Variants in PRIM2 observed in about 807,000 individuals in gnomAD.
PRIM2 encodes DNA primase large subunit.
A neutral mutation model predicts 67.3 loss-of-function variants in PRIM2; 39 were observed. The ratio of observed to expected loss-of-function variants is 0.58; its 90% CI spans 0.45 to 0.76. PRIM2 has a LOEUF of 0.76. Ranked by LOEUF, PRIM2 falls within the 30% of genes least tolerant of loss-of-function variation. The pLI is 0.00. For missense variants in PRIM2, 398 were observed against 598.7 expected, an observed-to-expected ratio of 0.66 and a Z score of 3.50; for synonymous variants, 143 against 198.7, an observed-to-expected ratio of 0.72 and a Z score of 2.36.
intron 10 of PRIM2, among the ~76,000 whole-genome samples, chr6:57,597,575 C>T (rs1428787645): frequency 6.6e-6 from 1 of 152,100 alleles, no homozygotes; most frequent in Non-Finnish European, 1.5e-5. Context: ...TTAATATAAT[C>T]CCCATAGCAA....
chr6:57,469,306 C>T (rs1430157275), intron 7 of PRIM2, among the ~76,000 whole-genome samples: 1 of 152,212 alleles, frequency 6.6e-6, no homozygotes, highest in Non-Finnish European at 1.5e-5. Context: ...GGGAAAATGT[C>T]ATGCAAGGTG....
At chr6:57,323,960 T>C (rs917273767) in intron 3 of PRIM2, among the ~76,000 whole-genome samples, 1 of 151,782 alleles carries the variant, frequency 6.6e-6, no homozygotes, top group Non-Finnish European at 1.5e-5. Context: ...TGGGTGTCGC[T>C]TGTAGTCCCA....
chr6:57,389,154 G>GTGAC (rs1459137690), intron 7 of PRIM2, among the ~76,000 whole-genome samples: 4 of 151,970 alleles, frequency 2.6e-5, no homozygotes, highest in African/African-American at 9.7e-5. Context: ...ACCCAGGCTG[G>GTGAC]AGTGCAGTGG....
At chr6:57,519,987 C>G (rs1298675275) in intron 8 of PRIM2, among the ~76,000 whole-genome samples, 1 of 152,120 alleles carries the variant, frequency 6.6e-6, no homozygotes, top group Non-Finnish European at 1.5e-5. Context: ...TATTCAAAAA[C>G]AAAACCAGGA....
chr6:57,526,106 G>A (rs1554349362), intron 8 of PRIM2, among the ~76,000 whole-genome samples: 1 of 151,912 alleles, frequency 6.6e-6, no homozygotes, highest in African/African-American at 2.4e-5. Flanking sequence ...GTTCTGTTTC[G>A]GTAGTGAAGG....
At chr6:57,369,779 A>G (rs891684427) in intron 5 of PRIM2, among the ~76,000 whole-genome samples, 3 of 152,194 alleles carry the variant, frequency 2.0e-5, no homozygotes, top group South Asian at 2.1e-4. Context: ...GAATTCCCCT[A>G]TACACCAAGA....
At chr6:57,444,280 T>C (rs1772292656) in intron 7 of PRIM2, among the ~76,000 whole-genome samples, 1 of 151,974 alleles carries the variant, frequency 6.6e-6, no homozygotes, top group Non-Finnish European at 1.5e-5. Context: ...AAAATTATGG[T>C]ATTATAGGCT....
At chr6:57,573,183 ATTC>A (rs1333564827) in intron 10 of PRIM2, among the ~76,000 whole-genome samples, 1 of 152,234 alleles carries the variant, frequency 6.6e-6, no homozygotes, top group Non-Finnish European at 1.5e-5. Flanking sequence ...GATTATTATT[ATTC>A]AACAAATTAC....
At chr6:57,569,124 ATACT>A (rs1183553522) in intron 10 of PRIM2, among the ~76,000 whole-genome samples, 3 of 152,156 alleles carry the variant, frequency 2.0e-5, no homozygotes, top group Admixed American at 6.5e-5. Flanking sequence ...TCTGGTCAAG[ATACT>A]TACTTTTCCT....
chr6:57,394,511 A>C lies in PRIM2; in HGVS notation c.693+12343A>C, dbSNP rs79022352. On this transcript the variant is annotated intron_variant, in intron 7 of 13. Transcript: ENST00000615550. The stretch of plus-strand genomic sequence containing the variant: ...CAGAGCTACTGATTTGTGTACATTA[A>C]TCTTGTATCTGGAAACTTTGCTCAA... Among the ~76,000 whole-genome samples, 6 of 152,194 alleles carry C rather than the reference A, an allele frequency of 3.9e-5. No individual in the cohort carries two copies. The South Asian group carries it at 1.2e-3, about 32-fold the overall frequency.
intron 7 of PRIM2, among the ~76,000 whole-genome samples, chr6:57,411,710 C>T (rs2208360): frequency 6.6e-6 from 1 of 152,300 alleles, no homozygotes; most frequent in East Asian, 1.9e-4. Context: ...AGGTATATTA[C>T]CTTTTTTTAT....
intron 5 of PRIM2, among the ~76,000 whole-genome samples, chr6:57,368,205 A>T (rs908203936): frequency 7.9e-5 from 12 of 152,146 alleles, no homozygotes; most frequent in African/African-American, 2.9e-4. Context: ...TATATCATAC[A>T]TTTATTTTAG....
chr6:57,608,563 T>C (rs1430862119), intron 12 of PRIM2, among the ~76,000 whole-genome samples: 2 of 151,724 alleles, frequency 1.3e-5, no homozygotes, highest in Non-Finnish European at 2.9e-5. Context: ...CAAAAACCTG[T>C]CTCTACAAAA....
At chr6:57,386,480 A>T (rs1431503498) in intron 7 of PRIM2, among the ~76,000 whole-genome samples, 2 of 151,654 alleles carry the variant, frequency 1.3e-5, no homozygotes, top group South Asian at 4.2e-4. Context: ...TGTCCTGATT[A>T]CAGGTGGGTT....
intron 9 of PRIM2, among the ~76,000 whole-genome samples, chr6:57,532,891 AG>A (rs1774922905): frequency 6.6e-6 from 1 of 151,914 alleles, no homozygotes; most frequent in Non-Finnish European, 1.5e-5. Flanking sequence ...AAGGGATAGT[AG>A]GTTTGATTTC....
the PRIM2 span, among the ~76,000 whole-genome samples, chr6:57,289,116 T>C: frequency 6.6e-6 from 1 of 152,122 alleles, no homozygotes; most frequent in African/African-American, 2.4e-5. Flanking sequence ...TTAAATGACT[T>C]GATGGAGCTG....
At chr6:57,486,911 A>G (rs1456863725) in intron 7 of PRIM2, among the ~76,000 whole-genome samples, 1 of 152,202 alleles carries the variant, frequency 6.6e-6, no homozygotes, top group African/African-American at 2.4e-5. Flanking sequence ...TAGAGTGTAC[A>G]TTTGATTTCT....
intron 5 of PRIM2, among the ~76,000 whole-genome samples, chr6:57,357,554 G>T (rs1769070639): frequency 6.6e-6 from 1 of 150,578 alleles, no homozygotes. Flanking sequence ...TTTCTTTCTG[G>T]GACATTTCCT....
At chr6:57,405,053 T>A (rs1426316923) in intron 7 of PRIM2, among the ~76,000 whole-genome samples, 1 of 150,074 alleles carries the variant, frequency 6.7e-6, no homozygotes, top group Non-Finnish European at 1.5e-5. Flanking sequence ...CATTGACACC[T>A]GAATGCACTG....
Sources: gnomAD v4.1 joint callset for allele counts (sites outside exome capture counted in the v4.1 genomes callset) on GRCh38, gnomAD v4.1.1 for gene constraint, MANE v1.5 for transcripts, NCBI Gene and HGNC (gene_info 2026-07-23, HGNC 2026-07-21) for gene names.